Variants in STK24 observed in about 807,000 individuals in gnomAD.
STK24 encodes serine/threonine kinase 24, also known as serine/threonine-protein kinase 24.
A neutral mutation model predicts 55.6 loss-of-function variants in STK24; 21 were observed. The ratio of observed to expected loss-of-function variants is 0.38; its 90% confidence interval spans 0.27 to 0.54. The LOEUF (loss-of-function observed/expected upper bound fraction) is 0.54, where lower values mean the gene tolerates loss of function less well. STK24 is among the 20% of genes least tolerant of loss of function. STK24 has a pLI of 0.79. For missense variants in STK24, 383 were observed against 538.4 expected (o/e 0.71, Z 2.86); for synonymous variants, 200 against 215.2 (o/e 0.93, Z 0.62).
intron 5 of STK24, among the ~76,000 whole-genome samples, chr13:98,467,963 G>C (rs1258066161): frequency 6.6e-6 from 1 of 152,218 alleles, no homozygotes; most frequent in African/African-American, 2.4e-5. Context: ...CAGCTTTCCT[G>C]CTGTTCTCAC....
chr13:98,564,907 G>A (rs1355489833), intron 1 of STK24, among the ~76,000 whole-genome samples: 5 of 152,122 alleles, frequency 3.3e-5, no homozygotes, highest in Non-Finnish European at 5.9e-5. Flanking sequence ...AGGTCAAAAA[G>A]ACATGGAACA....
intron 1 of STK24, among the ~76,000 whole-genome samples, chr13:98,571,302 G>T (rs1161460641): frequency 6.6e-6 from 1 of 152,140 alleles, no homozygotes; most frequent in Non-Finnish European, 1.5e-5. Context: ...AGGCAGCTCA[G>T]CTCTACGCAT....
At chr13:98,564,556 T>C (rs1322624136) in intron 1 of STK24, among the ~76,000 whole-genome samples, 9 of 152,166 alleles carry the variant, frequency 5.9e-5, no homozygotes, top group Admixed American at 2.0e-4. Context: ...AGCTGGGTAC[T>C]AAAAAAGGCC....
intron 2 of STK24, among the ~76,000 whole-genome samples, chr13:98,503,915 C>T (rs1895586519): frequency 6.6e-6 from 1 of 152,184 alleles, no homozygotes; most frequent in Non-Finnish European, 1.5e-5. Flanking sequence ...CACAGTCCAG[C>T]GTCTGTTGAC....
At chr13:98,563,445 A>G (rs562178263) in intron 1 of STK24, among the ~76,000 whole-genome samples, 14 of 152,332 alleles carry the variant, frequency 9.2e-5, no homozygotes, top group Admixed American at 7.8e-4. Context: ...AAGACTTCAG[A>G]TTCTTCGATA....
At chr13:98,537,309 C>G (rs1444649607) in intron 1 of STK24, among the ~76,000 whole-genome samples, 2 of 152,252 alleles carry the variant, frequency 1.3e-5, no homozygotes, top group African/African-American at 4.8e-5. Flanking sequence ...CACACCTCAT[C>G]TGGAGTGGGG....
chr13:98,548,992 G>A (rs1440007807), intron 1 of STK24, among the ~76,000 whole-genome samples: 10 of 152,054 alleles, frequency 6.6e-5, no homozygotes, highest in Non-Finnish European at 8.8e-5. Flanking sequence ...TCAGTGCCCC[G>A]GGGTAGGACA....
intron 5 of STK24, among the ~76,000 whole-genome samples, chr13:98,467,416 C>T (rs141158410): frequency 2.3e-3 from 357 of 152,294 alleles, no homozygotes; most frequent in African/African-American, 8.1e-3. Flanking sequence ...TGTTCAAAAA[C>T]TGTCATTCCA....
In STK24 at chr13:98,516,890, A is replaced by T. The variant is rs61149949; in HGVS notation, c.273+2353T>A. On this transcript the variant is annotated intron_variant, in intron 2 of 10. Coordinates refer to ENST00000539966, the MANE Select transcript of STK24 (RefSeq NM_001032296.4). ...AAAATACCGGGGCAACCTTAGATCA[A>T]GGTTAGGCTGATCTGAAACCTAACG... Among the ~76,000 whole-genome samples the T allele has an allele frequency of 7.9e-5, 12 of 152,312 alleles. No individual in the cohort carries two copies. In the South Asian group the frequency reaches 2.5e-3, roughly 32 times the overall value.
chr13:98,526,751 C>T (rs996142121), intron 1 of STK24, among the ~76,000 whole-genome samples: 17 of 152,042 alleles, frequency 1.1e-4, no homozygotes, highest in South Asian at 2.1e-4. Context: ...AGTGAGTGAC[C>T]GCTTGTCAGC....
At chr13:98,462,381 C>T (rs1430710742) in intron 7 of STK24, among the ~76,000 whole-genome samples, 1 of 152,082 alleles carries the variant, frequency 6.6e-6, no homozygotes, top group Non-Finnish European at 1.5e-5. Context: ...GCTCCAAAGC[C>T]CACCCGTGTC....
At chr13:98,481,554 A>G (rs1894579257) in intron 3 of STK24, among the ~76,000 whole-genome samples, 1 of 152,254 alleles carries the variant, frequency 6.6e-6, no homozygotes, top group South Asian at 2.1e-4. Context: ...TTACAATATT[A>G]CATGCTTATT....
intron 2 of STK24, 72 bp from the exon 3 acceptor site, chr13:98,482,393 G>A: frequency 1.2e-6 from 1 of 853,756 alleles, no homozygotes; most frequent in East Asian, 2.6e-5. Flanking sequence ...TAATCAAAGG[G>A]TATTTTTCAC....
At chr13:98,531,270 C>T (rs1402176546) in intron 1 of STK24, among the ~76,000 whole-genome samples, 1 of 152,022 alleles carries the variant, frequency 6.6e-6, no homozygotes, top group Non-Finnish European at 1.5e-5. Flanking sequence ...TCAAGCTGTC[C>T]TTTTTATAAA....
intron 2 of STK24, among the ~76,000 whole-genome samples, chr13:98,518,359 G>A (rs1255213476): frequency 6.6e-6 from 1 of 152,222 alleles, no homozygotes; most frequent in Non-Finnish European, 1.5e-5. Flanking sequence ...AAGGCCAGGG[G>A]AGGAAGAGGC....
chr13:98,491,773 A>G (rs1357361067), intron 2 of STK24, among the ~76,000 whole-genome samples: 1 of 152,206 alleles, frequency 6.6e-6, no homozygotes, highest in Non-Finnish European at 1.5e-5. Context: ...ACATGCATAA[A>G]TAATCAAAAA....
At chr13:98,477,099 G>GT (rs1894406481) in intron 3 of STK24, among the ~76,000 whole-genome samples, 2 of 152,178 alleles carry the variant, frequency 1.3e-5, no homozygotes, top group African/African-American at 2.4e-5. Context: ...CCAGAAAGTA[G>GT]TTTTTTCCCA....
chr13:98,521,808 C>G (rs1325820347), intron 1 of STK24: 1 of 782,116 alleles, frequency 1.3e-6, no homozygotes, highest in South Asian at 1.3e-5. Flanking sequence ...GAGTGGCCCT[C>G]CTTTTATTCA....
intron 8 of STK24, 32 bp downstream of exon 8, chr13:98,461,742 C>G (rs1477418194): frequency 1.2e-6 from 2 of 1,608,842 alleles, no homozygotes; most frequent in Admixed American, 3.3e-5. Flanking sequence ...AGACTGAGGT[C>G]AGCGTGGCCA....
Sources: gnomAD v4.1 joint callset for allele counts (sites outside exome capture counted in the v4.1 genomes callset) on GRCh38, gnomAD v4.1.1 for gene constraint, MANE v1.5 for transcripts, NCBI Gene and HGNC (gene_info 2026-07-23, HGNC 2026-07-21) for gene names.